XPA: variants seen among roughly 807,000 people sequenced by gnomAD.
XPA encodes the protein XPA, DNA damage recognition and repair factor, also known as DNA repair protein complementing XP-A cells.
In XPA, 27 loss-of-function variants were observed where a neutral mutation model predicts 35.7. The ratio of observed to expected loss-of-function variants is 0.76; its 90% CI spans 0.56 to 1.04. The LOEUF (loss-of-function observed/expected upper bound fraction) is 1.04. Ranked by LOEUF, XPA falls within the 50% of genes least tolerant of loss-of-function variation. The pLI is 0.00. For synonymous variants in XPA, 133 were observed against 118.4 expected (o/e 1.12, Z -0.80); for missense variants, 354 against 342.7 (o/e 1.03, Z -0.26).
At chr9:97,685,513 T>TA (rs1828690089) in intron 4 of XPA, among the ~76,000 whole-genome samples, 1 of 151,632 alleles carries the variant, frequency 6.6e-6, no homozygotes, top group Non-Finnish European at 1.5e-5. Context: ...GCAGGATATA[T>TA]TTTTTTTTAA....
chr9:97,693,077 T>C (rs1400269872), intron 2 of XPA, among the ~76,000 whole-genome samples: 1 of 140,164 alleles, frequency 7.1e-6, no homozygotes, highest in Non-Finnish European at 1.7e-5. Context: ...AATAAAAAGC[T>C]GTTATATTGC....
chr9:97,689,621 T>C lies in XPA; in HGVS notation c.302A>G (p.Asp101Gly). The C allele has an allele frequency of 6.2e-7, 1 of 1,607,886 alleles. No homozygotes were observed. The highest frequency in any genetic ancestry group is 8.5e-7 in the Non-Finnish European group (1 of 1,174,712). The change falls in exon 3 of 6, where the codon GAT becomes GGT. Residue 101 changes from aspartate (D) to glycine (G), a missense_variant. Physicochemically the swap from Asp to Gly is moderately conservative, Grantham distance 94. Coordinates refer to ENST00000375128, the MANE Select transcript of XPA (RefSeq NM_000380.4). The part of the protein sequence containing the change: ...VHQPGPVMEF[D>G]YVICEECGKE... ...CCCACATTCTTCGCATATTACATAA[T>C]CAAATTCCATAACAGGTCCTAAGAA...
the XPA span, chr9:97,662,882 A>G: frequency 8.8e-7 from 1 of 1,137,458 alleles, no homozygotes; most frequent in Non-Finnish European, 1.3e-6. Context: ...GTAACATTGA[A>G]AAGGCTTTGA....
chr9:97,658,778 G>C, the XPA span: 1 of 1,459,918 alleles, frequency 6.8e-7, no homozygotes, highest in African/African-American at 1.4e-5. Context: ...GTCTTTAAAA[G>C]GTACCAGTTC....
chr9:97,658,677 C>A, the XPA span: 1 of 1,613,254 alleles, frequency 6.2e-7, no homozygotes, highest in African/African-American at 1.3e-5. Context: ...TATTGTTCCT[C>A]CTACCTTCTC....
the XPA span, among the ~76,000 whole-genome samples, chr9:97,668,640 T>C: frequency 0.26 from 39,727 of 151,656 alleles, 6,109 homozygotes; most frequent in East Asian, 0.47. Flanking sequence ...TAAGAACCCA[T>C]GGAATTTCTG....
At chr9:97,689,193 T>C (rs534509810) in intron 3 of XPA, among the ~76,000 whole-genome samples, 1 of 151,856 alleles carries the variant, frequency 6.6e-6, no homozygotes, top group South Asian at 2.1e-4. Context: ...AATTAAGAAA[T>C]AGAGGGATCA....
chr9:97,675,617 CAGT>C (rs1564036553), intron 5 of XPA, 30 bp from the exon 6 acceptor site: 3 of 1,613,656 alleles, frequency 1.9e-6, no homozygotes, highest in Admixed American at 3.3e-5. Flanking sequence ...GTCATCTTTT[CAGT>C]GGTGCTATTC....
chr9:97,686,952 T>A, intron 4 of XPA, 144 bp downstream of exon 4: 1 of 746,848 alleles, frequency 1.3e-6, no homozygotes, highest in Non-Finnish European at 2.1e-6. Flanking sequence ...TTATTAAATG[T>A]CATTATACAT....
Position 97,687,271 on chromosome 9 carries a change from G to T in XPA, c.390-10C>A. 6.3e-7 allele frequency: 1 copy of T among 1,597,148 alleles called. No homozygotes were observed. Among genetic ancestry groups the T allele is most frequent in the Non-Finnish European group, 8.5e-7 (1 of 1,172,616 alleles). On this transcript the variant is annotated splice_polypyrimidine_tract_variant and intron_variant, in intron 3 of 5. Coordinates refer to ENST00000375128, the MANE Select transcript of XPA (RefSeq NM_000380.4). Reference sequence around the variant, plus strand: ...TTTATCATCAGCATCTCTGAAAACAGATTAAGTCCATTATATAAATTAGTT... The same window carrying T: ...TTTATCATCAGCATCTCTGAAAACATATTAAGTCCATTATATAAATTAGTT...
At chr9:97,662,999 G>A in the XPA span, 1 of 1,613,196 alleles carries the variant, frequency 6.2e-7, no homozygotes, top group East Asian at 2.2e-5. Flanking sequence ...ATGAAGGAAA[G>A]TTACATGTGC....
chr9:97,693,585 T>C (rs1189905099), intron 2 of XPA, 64 bp downstream of exon 2: 5 of 1,373,194 alleles, frequency 3.6e-6, no homozygotes, highest in African/African-American at 1.4e-5. Context: ...TCACTTTGCA[T>C]AGAATTATGC....
downstream of XPA, chr9:97,671,097 A>C: frequency 6.2e-7 from 1 of 1,608,628 alleles, no homozygotes; most frequent in Non-Finnish European, 8.5e-7. Context: ...ATCACCAAAT[A>C]ATCCAGCAGT....
chr9:97,675,330 C>T lies in XPA; in HGVS notation c.*109G>A. 8.4e-7 allele frequency: 1 copy of T among 1,188,614 alleles called. No individual in the cohort carries two copies. The allele number at this position is 1,188,614 out of a possible 1,614,324, so 73.6% of individuals were successfully genotyped here. On this transcript the variant is annotated 3_prime_UTR_variant, in exon 6 of 6. Transcript: ENST00000375128. ...TGAAGTATTACTTATACAAGGGTTT[C>T]ATTCATCTATGAAGATGTTGCTTTT...
At chr9:97,656,008 T>C in the XPA span, 1 of 1,612,838 alleles carries the variant, frequency 6.2e-7, no homozygotes, top group South Asian at 1.1e-5. Flanking sequence ...ATTTCCTCCT[T>C]AGGTCAGATT....
At position 97,697,212 on chromosome 9, in the gene XPA, A is replaced by G; in HGVS notation, c.81T>C (p.Ser27=). 1 of 1,600,824 alleles carries G rather than the reference A, an allele frequency of 6.2e-7. No individual in the cohort carries two copies. Among genetic ancestry groups the G allele is most frequent in the East Asian group, 2.2e-5 (1 of 44,720 alleles). ...PAELPASVRA[S]IERKRQRALM... is the part of the protein sequence containing the mutation. ...GTGCCCGCTGCCGCTTCCGCTCGAT[A>G]CTCGCCCGCACCGAGGCAGGCAGCT... Residue 27 remains serine, a synonymous_variant, in exon 1 of 6, where the codon AGT becomes AGC. Coordinates refer to ENST00000375128, the MANE Select transcript of XPA (RefSeq NM_000380.4).
At chr9:97,657,513 C>T in the XPA span, among the ~76,000 whole-genome samples, 1 of 152,180 alleles carries the variant, frequency 6.6e-6, no homozygotes, top group African/African-American at 2.4e-5. Flanking sequence ...TCCTGATCCA[C>T]CTGGTCATGT....
At chr9:97,687,338 G>T in intron 3 of XPA, 77 bp from the exon 4 acceptor site, 1 of 1,299,102 alleles carries the variant, frequency 7.7e-7, no homozygotes, top group Non-Finnish European at 1.0e-6. Context: ...AGCAACTTAG[G>T]GGCACACACA....
the XPA span, among the ~76,000 whole-genome samples, chr9:97,661,796 T>TC: frequency 2.1e-3 from 320 of 151,646 alleles, 1 homozygote; most frequent in African/African-American, 7.6e-3. Context: ...CTGTGTGATT[T>TC]TTTTTTTTCA....
Sources: allele counts gnomAD v4.1 joint callset (sites outside exome capture counted in the v4.1 genomes callset), GRCh38; gene constraint gnomAD v4.1.1; transcripts MANE v1.5; gene names NCBI Gene and HGNC (gene_info 2026-07-23, HGNC 2026-07-21).